Variants in RNASE4 observed in about 807,000 individuals in gnomAD.
The protein encoded by RNASE4 is ribonuclease 4.
For synonymous variants in RNASE4, 93 were observed against 71.4 expected (o/e 1.30, Z -1.52); for missense variants, 194 against 192.8 (o/e 1.01, Z -0.04).
intron 1 of RNASE4, among the ~76,000 whole-genome samples, chr14:20,697,152 T>G (rs1306261874): frequency 6.6e-6 from 1 of 152,232 alleles, no homozygotes; most frequent in African/African-American, 2.4e-5. Flanking sequence ...AAAGCTGACG[T>G]CCTGGGTCTG....
At chr14:20,695,379 A>G (rs1487542229) in intron 1 of RNASE4, among the ~76,000 whole-genome samples, 20 of 147,336 alleles carry the variant, frequency 1.4e-4, no homozygotes, top group African/African-American at 4.5e-4. Flanking sequence ...TGGGCGACAG[A>G]GCGAGACTCC....
At chr14:20,698,321 G>A (rs1464940340) in intron 1 of RNASE4, among the ~76,000 whole-genome samples, 1 of 152,168 alleles carries the variant, frequency 6.6e-6, no homozygotes, top group Admixed American at 6.5e-5. Flanking sequence ...ATAGATGCAA[G>A]ACAAAGCAAT....
At chr14:20,685,967 G>A (rs574564056) in intron 1 of RNASE4, among the ~76,000 whole-genome samples, 18 of 151,718 alleles carry the variant, frequency 1.2e-4, no homozygotes, top group Non-Finnish European at 2.5e-4. Flanking sequence ...TTGAACCTGG[G>A]AGGCGGAGGT....
At chr14:20,691,676 A>T (rs1886758335) in intron 1 of RNASE4, among the ~76,000 whole-genome samples, 1 of 152,254 alleles carries the variant, frequency 6.6e-6, no homozygotes, top group Admixed American at 6.5e-5. Context: ...GACAAATTTG[A>T]TGCACTGCTG....
In RNASE4 at chr14:20,699,423, C is replaced by T. The variant is rs749496833; in HGVS notation, c.52C>T (p.Leu18=). Residue 18 remains leucine, a synonymous_variant, in exon 2 of 2, where the codon CTG becomes TTG. Coordinates refer to ENST00000555835, the MANE Select transcript of RNASE4 (RefSeq NM_002937.5). ...SLLLLLLLTL[L]GLGLVQPSYG... The stretch of plus-strand genomic sequence containing the variant: ...GCTTCTGCTTTTGCTGCTGACCCTG[C>T]TGGGGCTGGGGCTGGTCCAGCCCTC... 1.1e-5 allele frequency: 18 copies of T among 1,609,644 alleles called. No homozygotes were observed. The South Asian group carries it at 1.8e-4, about 16-fold the overall frequency.
In RNASE4 at chr14:20,699,869, A is replaced by C; in HGVS notation, c.*54A>C. 4 of 1,484,278 alleles carry C rather than the reference A, an allele frequency of 2.7e-6. No individual in the cohort carries two copies. The highest frequency in any genetic ancestry group is 3.7e-6 in the Non-Finnish European group (4 of 1,071,256). 91.9% of individuals were successfully genotyped at this position (1,484,278 alleles called of 1,614,324 possible). On this transcript the variant is annotated 3_prime_UTR_variant, in exon 2 of 2. Coordinates refer to ENST00000555835, the MANE Select transcript of RNASE4 (RefSeq NM_002937.5). ...GGTTGACCTTACACTTACTCCTTAAATAGCAGTGAGTAATGCATTTGAGCT... is the reference window on the plus strand; with the variant it reads ...GGTTGACCTTACACTTACTCCTTAACTAGCAGTGAGTAATGCATTTGAGCT...
At position 20,699,864 on chromosome 14, in the gene RNASE4, C is replaced by T. The variant is rs1887237986; in HGVS notation, c.*49C>T. The T allele has an allele frequency of 5.9e-6, 9 of 1,520,422 alleles. No homozygotes were observed. Among genetic ancestry groups the T allele is most frequent in the African/African-American group, 1.4e-5 (1 of 73,270 alleles). 94.2% of individuals were successfully genotyped at this position (1,520,422 alleles called of 1,614,324 possible). A position where few individuals can be genotyped will look rare whatever the true frequency, so the allele number is the denominator to read the frequency against. On this transcript the variant is annotated 3_prime_UTR_variant, in exon 2 of 2. Transcript: ENST00000555835. ...CGAGTGGTTGACCTTACACTTACTCCTTAAATAGCAGTGAGTAATGCATTT... is the reference window on the plus strand; with the variant it reads ...CGAGTGGTTGACCTTACACTTACTCTTTAAATAGCAGTGAGTAATGCATTT...
intron 1 of RNASE4, among the ~76,000 whole-genome samples, chr14:20,689,715 G>A (rs1182662626): frequency 6.6e-6 from 1 of 152,068 alleles, no homozygotes; most frequent in African/African-American, 2.4e-5. Context: ...TCAGGAGTTC[G>A]AGACCAGCCT....
chr14:20,686,440 A>G (rs556397601), intron 1 of RNASE4, among the ~76,000 whole-genome samples: 2 of 152,362 alleles, frequency 1.3e-5, no homozygotes, highest in African/African-American at 2.4e-5. Flanking sequence ...TGGATAAAAA[A>G]GTGGACCAAT....
chr14:20,698,912 C>G (rs1319617077), intron 1 of RNASE4: 1 of 154,372 alleles, frequency 6.5e-6, no homozygotes, highest in African/African-American at 2.4e-5. Context: ...CTTTCTGTGA[C>G]GTATGCTGAG....
In RNASE4 at chr14:20,699,357, A is replaced by C. The variant is rs1887199479; in HGVS notation, c.-15A>C. 3.2e-6 allele frequency: 5 copies of C among 1,556,824 alleles called. No homozygotes were observed. Among genetic ancestry groups the C allele is most frequent in the Non-Finnish European group, 4.3e-6 (5 of 1,152,538 alleles). On this transcript the variant is annotated splice_region_variant and 5_prime_UTR_variant, in exon 2 of 2. Coordinates refer to ENST00000555835, the MANE Select transcript of RNASE4 (RefSeq NM_002937.5). ...CTGCCCCTTGCTTTCTTTTCTAGGCACCTCTAAGATACTGATGGCTCTGCA... is the reference window on the plus strand; with the variant it reads ...CTGCCCCTTGCTTTCTTTTCTAGGCCCCTCTAAGATACTGATGGCTCTGCA...
chr14:20,686,410 G>A (rs1419952962), intron 1 of RNASE4, among the ~76,000 whole-genome samples: 3 of 152,238 alleles, frequency 2.0e-5, no homozygotes, highest in African/African-American at 7.2e-5. Flanking sequence ...ATTGGTCACT[G>A]TGACTCAAAT....
intron 1 of RNASE4, among the ~76,000 whole-genome samples, chr14:20,687,415 A>G (rs1886476542): frequency 6.6e-6 from 1 of 152,224 alleles, no homozygotes; most frequent in Non-Finnish European, 1.5e-5. Context: ...GAACTCTAAA[A>G]TCAGAGGCTG....
intron 1 of RNASE4, among the ~76,000 whole-genome samples, chr14:20,690,085 G>A (rs901831343): frequency 2.0e-5 from 3 of 147,590 alleles, no homozygotes; most frequent in Admixed American, 1.3e-4. Flanking sequence ...CGCGGTGGCG[G>A]GCGCCTGTAG....
At chr14:20,693,656 C>G (rs766131151) in intron 1 of RNASE4, 10 of 1,614,038 alleles carry the variant, frequency 6.2e-6, no homozygotes, top group Non-Finnish European at 6.8e-6. Context: ...TCCAGGTACA[C>G]ACACTTCCTG....
intron 1 of RNASE4, chr14:20,699,025 T>C (rs1478949735): frequency 5.1e-6 from 1 of 196,852 alleles, no homozygotes; most frequent in African/African-American, 2.3e-5. Flanking sequence ...TGCAGTTTCA[T>C]GTAGGTTCAC....
At chr14:20,694,280 CT>C in intron 1 of RNASE4, 1 of 385,374 alleles carries the variant, frequency 2.6e-6, no homozygotes, top group Non-Finnish European at 4.7e-6. Flanking sequence ...ATAGAAATGC[CT>C]TTTTCTTTTC....
rs149951595 is a variant in RNASE4 at position 20,698,918 on chromosome 14, C to A, written c.-17-437C>A. ...GTTTGTAAACTTTCTGTGACGTATG[C>A]TGAGTCTATCCAAACTGTCGGGAAT... On this transcript the variant is annotated intron_variant, in intron 1 of 1. Coordinates refer to ENST00000555835, the MANE Select transcript of RNASE4 (RefSeq NM_002937.5). 3.6e-3 allele frequency: 566 copies of A among 155,738 alleles called. 7 individuals carry two copies. Among genetic ancestry groups the A allele is most frequent in the African/African-American group, 0.013 (545 of 41,656 alleles). The allele number at this position is 155,738 out of a possible 1,614,324, so 9.6% of individuals were successfully genotyped here.
intron 1 of RNASE4, among the ~76,000 whole-genome samples, chr14:20,696,731 TA>T (rs34394955): frequency 0.067 from 9,690 of 144,646 alleles, 390 homozygotes; most frequent in East Asian, 0.18. Flanking sequence ...ATGGAAGTGG[TA>T]AAAAAAAAAA....
Sources: gnomAD v4.1 joint callset for allele counts (sites outside exome capture counted in the v4.1 genomes callset) on GRCh38, gnomAD v4.1.1 for gene constraint, MANE v1.5 for transcripts, NCBI Gene and HGNC (gene_info 2026-07-23, HGNC 2026-07-21) for gene names.